The following HHIP variants were observed in gnomAD, a reference collection of about 807,000 sequenced individuals.
HHIP encodes hedgehog interacting protein.
HHIP carries 12 observed loss-of-function variants against 74.0 expected under a neutral mutation model. The observed-to-expected ratio is 0.16, with a 90% CI of 0.10 to 0.26. The LOEUF (loss-of-function observed/expected upper bound fraction) is 0.26, where lower values mean the gene tolerates loss of function less well. HHIP is among the 10% of genes least tolerant of loss of function. The pLI, the probability that HHIP is intolerant of heterozygous loss-of-function variation, is 1.00. For missense variants in HHIP, 788 were observed against 845.0 expected, an observed-to-expected ratio of 0.93 and a Z score of 0.84; for synonymous variants, 309 against 311.6, an observed-to-expected ratio of 0.99 and a Z score of 0.09.
rs1731209476 is a variant in HHIP, at chr4:144,739,370, CCTT to C, written c.*1419_*1421del. The C allele has an allele frequency of 1.3e-5, 2 of 152,214 alleles. No individual in the cohort carries two copies. Among genetic ancestry groups the C allele is most frequent in the Admixed American group, 6.5e-5 (1 of 15,282 alleles). The allele number at this position is 152,214 out of a possible 1,614,324, so 9.4% of individuals were successfully genotyped here. ...ACAAGTGCACACCCACTATGGCTGTCCTTCTTCTGTAAACATCCATTCCTCTAG... is the reference window on the plus strand; with the variant it reads ...ACAAGTGCACACCCACTATGGCTGTCCTTCTGTAAACATCCATTCCTCTAG... On this transcript the variant is annotated 3_prime_UTR_variant, in exon 13 of 13. Transcript: ENST00000296575.
At chr4:144,718,491 G>A (rs996522346) in intron 10 of HHIP, among the ~76,000 whole-genome samples, 1 of 152,210 alleles carries the variant, frequency 6.6e-6, no homozygotes, top group Admixed American at 6.6e-5. Context: ...AGCTATTGCA[G>A]GGCATTGAAA....
intron 11 of HHIP, among the ~76,000 whole-genome samples, chr4:144,732,732 C>T (rs1209367331): frequency 1.3e-5 from 2 of 152,140 alleles, no homozygotes; most frequent in African/African-American, 2.4e-5. Context: ...AGGCATAAAC[C>T]ATCTCATGGG....
At chr4:144,691,859 A>G (rs1377996972) in intron 4 of HHIP, among the ~76,000 whole-genome samples, 3 of 152,064 alleles carry the variant, frequency 2.0e-5, no homozygotes, top group Admixed American at 6.6e-5. Flanking sequence ...CAAACACTAT[A>G]TCCAATTATA....
rs890348510 is a variant in HHIP at position 144,742,782 on chromosome 4, A to C, written c.*4825A>C. 8.1e-5 allele frequency: 12 copies of C among 147,492 alleles called. No homozygotes were observed. The highest frequency in any genetic ancestry group is 1.8e-4 in the Non-Finnish European group (12 of 67,116). 9.1% of individuals were successfully genotyped at this position (147,492 alleles called of 1,614,324 possible). On this transcript the variant is annotated 3_prime_UTR_variant, in exon 13 of 13. Coordinates refer to ENST00000296575, the MANE Select transcript of HHIP (RefSeq NM_022475.3). ...CTATCTTATCCTCTTTTTGTCACAC[A>C]AACATAAATTGGTCATATATATATT...
At chr4:144,690,602 G>C (rs550701281) in intron 4 of HHIP, among the ~76,000 whole-genome samples, 1 of 152,286 alleles carries the variant, frequency 6.6e-6, no homozygotes, top group South Asian at 2.1e-4. Flanking sequence ...GGAAAGACAC[G>C]AACATGAGAT....
At chr4:144,650,546 A>G (rs1728389906) in intron 1 of HHIP, 1 of 152,102 alleles carries the variant, frequency 6.6e-6, no homozygotes, top group Non-Finnish European at 1.5e-5. Context: ...ACCCAGACTC[A>G]TCTGTCTAAA....
chr4:144,649,388 T>G (rs1470261524), intron 1 of HHIP, among the ~76,000 whole-genome samples: 1 of 152,190 alleles, frequency 6.6e-6, no homozygotes, highest in East Asian at 1.9e-4. Context: ...GTCCTGTTTC[T>G]AGGCTAAGAA....
At chr4:144,673,372 T>C (rs554868206) in intron 4 of HHIP, among the ~76,000 whole-genome samples, 1 of 152,312 alleles carries the variant, frequency 6.6e-6, no homozygotes, top group Admixed American at 6.5e-5. Context: ...ATAGGATATT[T>C]CATGGGTTCT....
intron 4 of HHIP, among the ~76,000 whole-genome samples, chr4:144,670,764 G>GAAAAAAAA (rs1167213848): frequency 7.1e-3 from 387 of 54,808 alleles, no homozygotes; most frequent in Non-Finnish European, 7.8e-3. Flanking sequence ...CTTAAGATTT[G>GAAAAAAAA]AAAAAAAAAA....
chr4:144,648,657 G>A (rs1165153903), intron 1 of HHIP: 6 of 152,092 alleles, frequency 3.9e-5, no homozygotes, highest in Non-Finnish European at 7.4e-5. Context: ...GTCTCCCTTG[G>A]TGCAATACGT....
intron 10 of HHIP, among the ~76,000 whole-genome samples, chr4:144,716,504 C>T (rs1303688428): frequency 6.6e-6 from 1 of 152,140 alleles, no homozygotes; most frequent in Non-Finnish European, 1.5e-5. Context: ...CCCTAACTTA[C>T]ATCCTCTGTA....
chr4:144,678,837 A>C (rs952516495), intron 4 of HHIP, among the ~76,000 whole-genome samples: 6 of 152,224 alleles, frequency 3.9e-5, no homozygotes, highest in African/African-American at 1.4e-4. Context: ...ACAGTGCTGC[A>C]ATAAACATAC....
intron 4 of HHIP, among the ~76,000 whole-genome samples, chr4:144,704,539 T>C (rs752022899): frequency 3.9e-5 from 6 of 152,230 alleles, no homozygotes; most frequent in Non-Finnish European, 7.3e-5. Flanking sequence ...AGTGCCTTAA[T>C]TCTACATTCT....
At chr4:144,651,516 C>G (rs1178169159) in intron 1 of HHIP, among the ~76,000 whole-genome samples, 1 of 151,890 alleles carries the variant, frequency 6.6e-6, no homozygotes, top group Non-Finnish European at 1.5e-5. Context: ...TAAAACAGTG[C>G]TCTAGAATTT....
intron 1 of HHIP, among the ~76,000 whole-genome samples, chr4:144,647,523 G>C (rs1050671729): frequency 3.3e-5 from 5 of 152,154 alleles, no homozygotes; most frequent in African/African-American, 4.8e-5. Flanking sequence ...AAAAAAACTG[G>C]CGAAAGATTT....
intron 4 of HHIP, among the ~76,000 whole-genome samples, chr4:144,689,615 T>C (rs2126632459): frequency 6.6e-6 from 1 of 152,330 alleles, no homozygotes; most frequent in African/African-American, 2.4e-5. Flanking sequence ...AGTCTACAAC[T>C]TGAAAAACAA....
In HHIP at chr4:144,651,503, G is replaced by C. The variant is rs1402349330; in HGVS notation, c.280-1102G>C. ...ACCTTAATTTGTGAATGGAATATTT[G>C]TTTAAAACAGTGCTCTAGAATTTAA... On this transcript the variant is annotated intron_variant, in intron 1 of 12. Transcript: ENST00000296575. Among the ~76,000 whole-genome samples the C allele has an allele frequency of 3.3e-5, 5 of 151,940 alleles. No individual in the cohort carries two copies. In the South Asian group the frequency reaches 1.0e-3, roughly 31 times the overall value.
intron 4 of HHIP, among the ~76,000 whole-genome samples, chr4:144,701,286 C>T (rs889712975): frequency 4.0e-5 from 6 of 149,754 alleles, no homozygotes; most frequent in Non-Finnish European, 5.9e-5. Context: ...CCGCTTACTT[C>T]TTCATGTAAG....
Position 144,670,176 on chromosome 4 carries a change from A to G in HHIP, c.831+10338A>G, listed in dbSNP as rs779328894. Among the ~76,000 whole-genome samples the G allele has an allele frequency of 1.2e-3, 182 of 148,442 alleles. 1 individual carries two copies. The highest frequency in any genetic ancestry group is 2.0e-3 in the Non-Finnish European group (133 of 67,706). ...AAAGCTGAATTGGTCCCCCGCAGTAATTGGTCCCCCGCAGTCGCTCACGCC... is the reference window on the plus strand; with the variant it reads ...AAAGCTGAATTGGTCCCCCGCAGTAGTTGGTCCCCCGCAGTCGCTCACGCC... On this transcript the variant is annotated intron_variant, in intron 4 of 12. Coordinates refer to ENST00000296575, the MANE Select transcript of HHIP (RefSeq NM_022475.3).
Sources: allele counts gnomAD v4.1 joint callset (sites outside exome capture counted in the v4.1 genomes callset), GRCh38; gene constraint gnomAD v4.1.1; transcripts MANE v1.5; gene names NCBI Gene and HGNC (gene_info 2026-07-23, HGNC 2026-07-21).